CLIC5: variants seen among roughly 807,000 people sequenced by gnomAD.
CLIC5 encodes the protein chloride intracellular channel protein 5.
Under a neutral mutation model 24.7 loss-of-function variants are expected in CLIC5, and 20 were observed. That is an observed-to-expected ratio of 0.81 (90% CI 0.57 to 1.18). The LOEUF is 1.18. CLIC5 is among the 50% of genes most tolerant of loss of function. The pLI is 0.00. For synonymous variants in CLIC5, 159 were observed against 135.6 expected (o/e 1.17, Z -1.20); for missense variants, 341 against 326.1 (o/e 1.05, Z -0.35).
intron 1 of CLIC5, among the ~76,000 whole-genome samples, chr6:46,054,708 C>T (rs897483580): frequency 2.0e-5 from 3 of 152,206 alleles, no homozygotes; most frequent in Non-Finnish European, 4.4e-5. Flanking sequence ...GTTTACTATC[C>T]TTTTAAGAAG....
At chr6:45,897,790 C>T (rs1408262991), downstream of CLIC5, among the ~76,000 whole-genome samples, 1 of 151,986 alleles carries the variant, frequency 6.6e-6, no homozygotes, top group East Asian at 1.9e-4. Context: ...TGAGAGCCAA[C>T]AGAGAGCTCT....
intron 1 of CLIC5, among the ~76,000 whole-genome samples, chr6:45,999,667 G>T (rs1429287496): frequency 3.3e-5 from 5 of 151,768 alleles, no homozygotes; most frequent in Non-Finnish European, 7.4e-5. Context: ...AAGATGAGGA[G>T]GATGAAGACT....
chr6:45,914,496 A>T lies in CLIC5; in HGVS notation c.407-87T>A. The T allele has an allele frequency of 2.2e-6, 3 of 1,378,740 alleles. No individual in the cohort carries two copies. The South Asian group carries it at 6.3e-5, about 29-fold the overall frequency. 85.4% of individuals were successfully genotyped at this position (1,378,740 alleles called of 1,614,324 possible). On this transcript the variant is annotated intron_variant, in intron 4 of 5. Coordinates refer to ENST00000339561, the MANE Select transcript of CLIC5 (RefSeq NM_016929.5). ...GTCTTCAGAGTGGAGTAGCTCATCT[A>T]GAATCCTGTCCCCTTCATCACACTG...
At chr6:46,028,990 C>A (rs1302130820) in intron 1 of CLIC5, among the ~76,000 whole-genome samples, 1 of 152,096 alleles carries the variant, frequency 6.6e-6, no homozygotes, top group Non-Finnish European at 1.5e-5. Flanking sequence ...CCCCCACTAA[C>A]CCCTGGAAAC....
At chr6:46,039,401 G>A (rs1020987756) in intron 1 of CLIC5, among the ~76,000 whole-genome samples, 1 of 151,358 alleles carries the variant, frequency 6.6e-6, no homozygotes. Context: ...AAAAAAACCA[G>A]ATATACATAG....
chr6:45,926,105 C>A (rs1013657298), intron 4 of CLIC5, among the ~76,000 whole-genome samples: 1 of 151,908 alleles, frequency 6.6e-6, no homozygotes, highest in Admixed American at 6.6e-5. Flanking sequence ...TGAGAAATCA[C>A]GTGGCTCAAC....
At chr6:45,882,144 A>T (rs1266433412) in intron 6 of CLIC5, among the ~76,000 whole-genome samples, 1 of 152,188 alleles carries the variant, frequency 6.6e-6, no homozygotes, top group Non-Finnish European at 1.5e-5. Context: ...CCTGGAGAAA[A>T]TGCTTTTACC....
upstream of CLIC5, among the ~76,000 whole-genome samples, chr6:46,017,962 G>A (rs895267097): frequency 2.0e-5 from 3 of 152,168 alleles, no homozygotes; most frequent in African/African-American, 2.4e-5. Context: ...CTTAATCAAG[G>A]TGATGTTTAA....
intron 2 of CLIC5, among the ~76,000 whole-genome samples, chr6:45,952,183 G>A (rs1764493189): frequency 6.6e-6 from 1 of 152,204 alleles, no homozygotes; most frequent in Admixed American, 6.5e-5. Context: ...GGCCACTGGA[G>A]TCAGACGCCC....
chr6:46,110,639 G>A, the CLIC5 span, among the ~76,000 whole-genome samples: 260 of 152,256 alleles, frequency 1.7e-3, 1 homozygote, highest in Non-Finnish European at 1.8e-3. Context: ...ATAAGAGGTA[G>A]GTAGGTAGGT....
chr6:46,033,962 T>C (rs868726890), intron 1 of CLIC5, among the ~76,000 whole-genome samples: 7 of 152,178 alleles, frequency 4.6e-5, no homozygotes, highest in African/African-American at 1.7e-4. Context: ...GCAACAATGG[T>C]GGCTTAGAAT....
At chr6:45,975,772 TCTTA>T (rs953838523) in intron 1 of CLIC5, among the ~76,000 whole-genome samples, 37 of 152,318 alleles carry the variant, frequency 2.4e-4, no homozygotes, top group African/African-American at 8.9e-4. Flanking sequence ...CCTTCATTTC[TCTTA>T]CTATGAAATA....
intron 1 of CLIC5, among the ~76,000 whole-genome samples, chr6:45,997,128 G>A (rs1298609725): frequency 1.3e-5 from 2 of 150,538 alleles, no homozygotes; most frequent in African/African-American, 4.9e-5. Flanking sequence ...TGATAGACTG[G>A]ATTAAGAAAA....
intron 1 of CLIC5, among the ~76,000 whole-genome samples, chr6:46,029,793 G>A (rs564519222): frequency 3.3e-5 from 5 of 152,108 alleles, no homozygotes; most frequent in Non-Finnish European, 4.4e-5. Flanking sequence ...CATCTTTCTG[G>A]GGAAGGAAAG....
intron 1 of CLIC5, among the ~76,000 whole-genome samples, chr6:46,044,899 T>C (rs962731347): frequency 1.3e-5 from 2 of 152,146 alleles, no homozygotes; most frequent in Admixed American, 1.3e-4. Context: ...TTAATAACTC[T>C]CTCATAAATC....
At chr6:45,948,949 T>A (rs111734472) in intron 3 of CLIC5, among the ~76,000 whole-genome samples, 1 of 152,072 alleles carries the variant, frequency 6.6e-6, no homozygotes, top group Admixed American at 6.6e-5. Flanking sequence ...CAAAGTGAGC[T>A]GGAGAGAAGG....
At chr6:45,965,370 A>C (rs1461516387) in intron 1 of CLIC5, among the ~76,000 whole-genome samples, 1 of 152,218 alleles carries the variant, frequency 6.6e-6, no homozygotes, top group Non-Finnish European at 1.5e-5. Context: ...CAAAGATGAG[A>C]AGGGCTGGAA....
At chr6:45,945,353 G>T (rs1764256189) in intron 3 of CLIC5, among the ~76,000 whole-genome samples, 1 of 152,230 alleles carries the variant, frequency 6.6e-6, no homozygotes, top group Non-Finnish European at 1.5e-5. Flanking sequence ...AAATAGCCAT[G>T]TAATTCTGTT....
intron 1 of CLIC5, among the ~76,000 whole-genome samples, chr6:45,985,564 C>G (rs573487023): frequency 6.6e-6 from 1 of 152,006 alleles, no homozygotes; most frequent in Non-Finnish European, 1.5e-5. Context: ...TGCTCTCTAG[C>G]CTCACCACTC....
Sources: gnomAD v4.1 joint callset for allele counts (sites outside exome capture counted in the v4.1 genomes callset) on GRCh38, gnomAD v4.1.1 for gene constraint, MANE v1.5 for transcripts, NCBI Gene and HGNC (gene_info 2026-07-23, HGNC 2026-07-21) for gene names.